Variants in RARB observed in about 807,000 individuals in gnomAD.
The protein encoded by RARB is HBV-activated protein.
A neutral mutation model predicts 51.9 loss-of-function variants in RARB; 17 were observed. That is an observed-to-expected ratio of 0.33 (90% CI 0.22 to 0.49). The LOEUF (loss-of-function observed/expected upper bound fraction) is 0.49. RARB is among the 20% of genes least tolerant of loss of function. The probability of loss-of-function intolerance (pLI) is 0.99; values close to 1 mark genes in which losing one functional copy is unlikely to be tolerated. For synonymous variants in RARB, 215 were observed against 195.4 expected, an observed-to-expected ratio of 1.10 and a Z score of -0.84; for missense variants, 369 against 550.8, an observed-to-expected ratio of 0.67 and a Z score of 3.30.
chr3:25,221,820 C>A (rs1259752887), intron 5 of RARB, among the ~76,000 whole-genome samples: 4 of 152,142 alleles, frequency 2.6e-5, no homozygotes, highest in Non-Finnish European at 4.4e-5. Flanking sequence ...TAAGTGGATT[C>A]CAGAGTGTCT....
intron 3 of RARB, among the ~76,000 whole-genome samples, chr3:25,071,316 G>T (rs1698761496): frequency 6.6e-6 from 1 of 152,200 alleles, no homozygotes; most frequent in Non-Finnish European, 1.5e-5. Flanking sequence ...ATCACAAACA[G>T]TTACTTTGGC....
chr3:25,166,711 T>C (rs1246116024), intron 4 of RARB, among the ~76,000 whole-genome samples: 1 of 152,206 alleles, frequency 6.6e-6, no homozygotes, highest in African/African-American at 2.4e-5. Flanking sequence ...GTTGCTTGGA[T>C]CACTCTTGAA....
intron 2 of RARB, among the ~76,000 whole-genome samples, chr3:24,949,490 G>T (rs1695844545): frequency 6.6e-6 from 1 of 152,326 alleles, no homozygotes; most frequent in African/African-American, 2.4e-5. Context: ...TTTAAGGTTT[G>T]TAATGTGATT....
At chr3:25,378,428 T>C (rs1486760938) in intron 5 of RARB, among the ~76,000 whole-genome samples, 2 of 152,204 alleles carry the variant, frequency 1.3e-5, no homozygotes, top group African/African-American at 2.4e-5. Flanking sequence ...AGTGGGACCA[T>C]TGGCTTCATC....
chr3:24,964,370 A>C (rs879488999), intron 2 of RARB, among the ~76,000 whole-genome samples: 2 of 152,024 alleles, frequency 1.3e-5, no homozygotes, highest in Non-Finnish European at 2.9e-5. Context: ...TTTTCTGTAT[A>C]TATCACATGA....
At chr3:25,274,982 T>G (rs981482113) in intron 5 of RARB, among the ~76,000 whole-genome samples, 2 of 152,196 alleles carry the variant, frequency 1.3e-5, no homozygotes, top group African/African-American at 4.8e-5. Context: ...GTTTATGCTA[T>G]GTAAGGATAC....
At chr3:24,963,119 G>C (rs982732537) in intron 2 of RARB, among the ~76,000 whole-genome samples, 1 of 152,050 alleles carries the variant, frequency 6.6e-6, no homozygotes, top group African/African-American at 2.4e-5. Context: ...ATTTGTTCTT[G>C]ATGTGATTTC....
chr3:25,511,410 T>C (rs192187908), intron 3 of RARB, among the ~76,000 whole-genome samples: 1 of 152,152 alleles, frequency 6.6e-6, no homozygotes, highest in Admixed American at 6.5e-5. Flanking sequence ...GGATTACAAG[T>C]GTGAGCCACA....
At chr3:24,896,409 A>G (rs1703480080) in intron 2 of RARB, among the ~76,000 whole-genome samples, 1 of 152,006 alleles carries the variant, frequency 6.6e-6, no homozygotes, top group African/African-American at 2.4e-5. Context: ...ACAGGGGCGC[A>G]CCACCACGTC....
intron 5 of RARB, among the ~76,000 whole-genome samples, chr3:25,246,926 C>G (rs1392944374): frequency 6.6e-6 from 1 of 152,226 alleles, no homozygotes; most frequent in Admixed American, 6.5e-5. Context: ...CCCACAGCTG[C>G]CCCTTCCCTC....
intron 2 of RARB, among the ~76,000 whole-genome samples, chr3:24,861,313 A>G (rs1279616930): frequency 1.3e-5 from 2 of 152,182 alleles, no homozygotes; most frequent in African/African-American, 4.8e-5. Context: ...AAAGAGACTT[A>G]GCATCATGAA....
chr3:25,221,106 G>A (rs767032326), intron 5 of RARB, among the ~76,000 whole-genome samples: 1 of 149,382 alleles, frequency 6.7e-6, no homozygotes, highest in South Asian at 2.1e-4. Flanking sequence ...AAAAGAAGTG[G>A]ATTTTCATAC....
At position 25,111,522 on chromosome 3, in the gene RARB, G is replaced by A. The variant is rs188049116; in HGVS notation, c.-327-20639G>A. On this transcript the variant is annotated intron_variant, in intron 3 of 11. Transcript: ENST00000383772. ...GAGATGGTCCAAAAGAAAACTGACA[G>A]CTCTATAATATATATTGCAATTTAA... Among the ~76,000 whole-genome samples, 406 of 151,086 alleles carry A rather than the reference G, an allele frequency of 2.7e-3. 10 individuals are homozygous for A. The highest frequency in any genetic ancestry group is 9.3e-4 in the Non-Finnish European group (63 of 67,936).
chr3:25,311,335 TAA>T (rs1264629386), intron 5 of RARB, among the ~76,000 whole-genome samples: 2 of 152,158 alleles, frequency 1.3e-5, no homozygotes, highest in East Asian at 1.9e-4. Context: ...GGACAATTAT[TAA>T]AAGAGTCCGC....
chr3:24,884,083 C>G (rs1402005134), intron 2 of RARB, among the ~76,000 whole-genome samples: 2 of 152,096 alleles, frequency 1.3e-5, no homozygotes, highest in African/African-American at 4.8e-5. Context: ...TAATCATTTA[C>G]AGCAAGCCAC....
intron 2 of RARB, among the ~76,000 whole-genome samples, chr3:24,986,178 T>C (rs771256997): frequency 3.3e-4 from 50 of 152,232 alleles, no homozygotes; most frequent in Admixed American, 2.6e-4. Flanking sequence ...TGAATGTCTG[T>C]GTGTTCCTGC....
intron 2 of RARB, among the ~76,000 whole-genome samples, chr3:24,982,254 C>A (rs1336314458): frequency 6.6e-6 from 1 of 152,220 alleles, no homozygotes; most frequent in African/African-American, 2.4e-5. Flanking sequence ...TGAGACCAGG[C>A]TGCAACTCTG....
chr3:25,558,602 T>A (rs1300624324), intron 3 of RARB, among the ~76,000 whole-genome samples: 2 of 150,784 alleles, frequency 1.3e-5, no homozygotes, highest in East Asian at 3.9e-4. Context: ...ACTTCAACAG[T>A]CATCTCTAAG....
At chr3:24,899,746 C>T (rs139141126) in intron 2 of RARB, among the ~76,000 whole-genome samples, 1 of 152,254 alleles carries the variant, frequency 6.6e-6, no homozygotes, top group East Asian at 1.9e-4. Context: ...AATCTCAACT[C>T]CCTCCTTAAA....
Sources: gnomAD v4.1 joint callset for allele counts (sites outside exome capture counted in the v4.1 genomes callset) on GRCh38, gnomAD v4.1.1 for gene constraint, MANE v1.5 for transcripts, NCBI Gene and HGNC (gene_info 2026-07-23, HGNC 2026-07-21) for gene names.